Variants in ANTXR2 observed in about 807,000 individuals in gnomAD.
The protein encoded by ANTXR2 is ANTXR cell adhesion molecule 2, also known as anthrax toxin receptor 2.
Under a neutral mutation model 73.7 loss-of-function variants are expected in ANTXR2, and 44 were observed. That is an observed-to-expected ratio of 0.60 (90% CI 0.47 to 0.77). The LOEUF is 0.77. ANTXR2 is among the 30% of genes least tolerant of loss of function. ANTXR2 has a pLI of 0.00. For synonymous variants in ANTXR2, 217 were observed against 205.9 expected (o/e 1.05, Z -0.46); for missense variants, 604 against 592.5 (o/e 1.02, Z -0.20).
chr4:79,949,156 A>C lies in ANTXR2; in HGVS notation c.1428+28465T>G, dbSNP rs150019496. Among the ~76,000 whole-genome samples the C allele has an allele frequency of 4.6e-3, 698 of 152,312 alleles. 10 individuals carry two copies. The highest frequency in any genetic ancestry group is 0.016 in the African/African-American group (666 of 41,580). ...ATTTAGGTATAAAATGTATTTGAAC[A>C]TTATAAAAAAGGAAAGACAGAGGAC... On this transcript the variant is annotated intron_variant, in intron 16 of 16. Coordinates refer to ENST00000403729, the MANE Select transcript of ANTXR2 (RefSeq NM_058172.6).
intron 16 of ANTXR2, among the ~76,000 whole-genome samples, chr4:79,936,706 A>T (rs1728276300): frequency 6.6e-6 from 1 of 152,208 alleles, no homozygotes; most frequent in South Asian, 2.1e-4. Context: ...ACATGAAATA[A>T]TTAGAAAACA....
chr4:79,955,176 T>C (rs1217174604), intron 16 of ANTXR2, among the ~76,000 whole-genome samples: 1 of 152,106 alleles, frequency 6.6e-6, no homozygotes, highest in Non-Finnish European at 1.5e-5. Flanking sequence ...CAGTGAGAAA[T>C]AGACAAATTT....
chr4:79,998,979 G>C (rs1243464491), intron 12 of ANTXR2, among the ~76,000 whole-genome samples: 1 of 151,958 alleles, frequency 6.6e-6, no homozygotes, highest in East Asian at 1.9e-4. Context: ...GCACACAGAG[G>C]ACACTATCTG....
intron 16 of ANTXR2, among the ~76,000 whole-genome samples, chr4:79,949,366 G>A (rs1437924495): frequency 6.6e-6 from 1 of 152,150 alleles, no homozygotes; most frequent in Non-Finnish European, 1.5e-5. Context: ...TCAAATGCAG[G>A]TCATTAATGA....
chr4:79,980,398 T>C (rs187179589), intron 14 of ANTXR2, among the ~76,000 whole-genome samples: 2 of 152,128 alleles, frequency 1.3e-5, no homozygotes, highest in Admixed American at 1.3e-4. Flanking sequence ...TTTGACCACA[T>C]TGAGACAGTT....
Position 79,983,961 on chromosome 4 carries a change from C to T in ANTXR2, c.1096G>A (p.Glu366Lys). The change falls in exon 14 of 17, where the codon GAA (glutamate) becomes AAA (lysine). Residue 366 changes from glutamate to lysine, a missense_variant. Physicochemically the swap from Glu to Lys is moderately conservative, Grantham distance 56. Transcript: ENST00000403729. Reference sequence around the variant, plus strand: ...GGCCACTTTTTAGTAGGCAAAGGTTCTTCTTCCTCCTGTGGAAATATGTTT... The same window carrying T: ...GGCCACTTTTTAGTAGGCAAAGGTTTTTCTTCCTCCTGTGGAAATATGTTT... ...PAPAPKEEEE[E>K]PLPTKKWPTV... 6.3e-7 allele frequency: 1 copy of T among 1,586,972 alleles called. No homozygotes were observed. The highest frequency in any genetic ancestry group is 8.6e-7 in the Non-Finnish European group (1 of 1,169,268).
intron 7 of ANTXR2, among the ~76,000 whole-genome samples, chr4:80,040,819 T>A (rs140069475): frequency 1.3e-5 from 2 of 151,900 alleles, no homozygotes; most frequent in Admixed American, 6.6e-5. Flanking sequence ...TGAAAAAGTA[T>A]ACTATCGAAG....
At chr4:80,023,171 A>T (rs1181472678) in intron 10 of ANTXR2, among the ~76,000 whole-genome samples, 3 of 152,234 alleles carry the variant, frequency 2.0e-5, no homozygotes, top group African/African-American at 4.8e-5. Flanking sequence ...CCATATAAAA[A>T]TATTGTAAGC....
intron 3 of ANTXR2, among the ~76,000 whole-genome samples, chr4:80,059,617 C>T (rs1015435820): frequency 6.6e-6 from 1 of 152,078 alleles, no homozygotes. Context: ...CTTGACTTTA[C>T]AAAGTGCTGG....
At chr4:79,982,050 C>T (rs1352218294) in intron 14 of ANTXR2, among the ~76,000 whole-genome samples, 1 of 152,100 alleles carries the variant, frequency 6.6e-6, no homozygotes, top group Non-Finnish European at 1.5e-5. Flanking sequence ...TCACACATTT[C>T]CTTTCCTTTA....
At chr4:80,062,652 C>A (rs1734316963) in intron 3 of ANTXR2, among the ~76,000 whole-genome samples, 1 of 152,152 alleles carries the variant, frequency 6.6e-6, no homozygotes. Flanking sequence ...CTCATCTTTT[C>A]ACCCCCTCAC....
At position 79,996,677 on chromosome 4, in the gene ANTXR2, A is replaced by C. The variant is rs116549391; in HGVS notation, c.1042-11814T>G. Reference sequence around the variant, plus strand: ...CAACTGACATTCCTACATTTCAGTAAAACTAGTTCAAGAGAAAAGAAAGAT... The same window carrying C: ...CAACTGACATTCCTACATTTCAGTACAACTAGTTCAAGAGAAAAGAAAGAT... On this transcript the variant is annotated intron_variant, in intron 12 of 16. Transcript: ENST00000403729. Among the ~76,000 whole-genome samples, 975 of 152,120 alleles carry C rather than the reference A, an allele frequency of 6.4e-3. 10 individuals carry two copies. The highest frequency in any genetic ancestry group is 0.019 in the African/African-American group (801 of 41,548).
At chr4:79,934,539 CAACA>C (rs1728183498) in intron 16 of ANTXR2, among the ~76,000 whole-genome samples, 1 of 112,430 alleles carries the variant, frequency 8.9e-6, no homozygotes, top group Admixed American at 9.4e-5. Flanking sequence ...ACAACAACAA[CAACA>C]AAAAAAAAAA....
chr4:80,038,701 T>C (rs1733095856), intron 7 of ANTXR2, among the ~76,000 whole-genome samples: 1 of 152,044 alleles, frequency 6.6e-6, no homozygotes, highest in African/African-American at 2.4e-5. Flanking sequence ...TTTCTAAAAA[T>C]AATATAATTG....
chr4:80,053,588 C>A lies in ANTXR2; in HGVS notation c.636+684G>T, dbSNP rs561035983. On this transcript the variant is annotated intron_variant, in intron 7 of 16. Coordinates refer to ENST00000403729, the MANE Select transcript of ANTXR2 (RefSeq NM_058172.6). ...CACTTCCATTTTAGGATGGTGTTTA[C>A]CAAAATATCATAAATACTTAATAGC... 2.6e-5 allele frequency among the ~76,000 whole-genome samples: 4 copies of A among 151,484 alleles called. No homozygotes were observed. In the Admixed American group the frequency reaches 2.6e-4, roughly 10 times the overall value.
intron 11 of ANTXR2, among the ~76,000 whole-genome samples, chr4:80,017,439 CA>C (rs1460263193): frequency 6.6e-6 from 1 of 152,156 alleles, no homozygotes; most frequent in Non-Finnish European, 1.5e-5. Context: ...ATTGACACAT[CA>C]ATGATCATTT....
chr4:79,975,700 G>T (rs1199346423), intron 16 of ANTXR2, among the ~76,000 whole-genome samples: 1 of 152,160 alleles, frequency 6.6e-6, no homozygotes, highest in Non-Finnish European at 1.5e-5. Flanking sequence ...GCATGTAGAA[G>T]AGGAAGAAGA....
chr4:80,009,058 A>G (rs1481035225), intron 11 of ANTXR2, among the ~76,000 whole-genome samples: 1 of 152,234 alleles, frequency 6.6e-6, no homozygotes, highest in Non-Finnish European at 1.5e-5. Context: ...GAATATTAAA[A>G]AAAATTATCA....
At chr4:80,009,791 G>A (rs1731480769) in intron 11 of ANTXR2, among the ~76,000 whole-genome samples, 1 of 150,738 alleles carries the variant, frequency 6.6e-6, no homozygotes, top group African/African-American at 2.4e-5. Flanking sequence ...AGTTTGCCAT[G>A]AGCCGAGATT....
Sources: gnomAD v4.1 joint callset for allele counts (sites outside exome capture counted in the v4.1 genomes callset) on GRCh38, gnomAD v4.1.1 for gene constraint, MANE v1.5 for transcripts, NCBI Gene and HGNC (gene_info 2026-07-23, HGNC 2026-07-21) for gene names.